Variants in EBF4 observed in about 807,000 individuals in gnomAD.
EBF4 encodes the protein EBF transcription factor 4.
Under a neutral mutation model 67.1 loss-of-function variants are expected in EBF4, and 34 were observed. The ratio of observed to expected loss-of-function variants is 0.51; its 90% CI spans 0.39 to 0.67. The LOEUF is 0.67. EBF4 is among the 30% of genes least tolerant of loss of function. The pLI is 0.00. For missense variants in EBF4, 837 were observed against 873.3 expected (o/e 0.96, Z 0.52); for synonymous variants, 387 against 377.7 (o/e 1.02, Z -0.29).
chr20:2,698,238 G>T (rs2146364436), intron 1 of EBF4, among the ~76,000 whole-genome samples: 1 of 152,338 alleles, frequency 6.6e-6, no homozygotes, highest in East Asian at 1.9e-4. Flanking sequence ...GCTGGGGGCA[G>T]TGGGAAGAGG....
intron 6 of EBF4, among the ~76,000 whole-genome samples, chr20:2,722,662 T>C (rs2087697506): frequency 6.6e-6 from 1 of 152,242 alleles, no homozygotes; most frequent in Admixed American, 6.5e-5. Flanking sequence ...AGCATTATGC[T>C]GGGATATTTG....
intron 5 of EBF4, among the ~76,000 whole-genome samples, chr20:2,708,351 C>T (rs1407529518): frequency 6.6e-6 from 1 of 152,184 alleles, no homozygotes; most frequent in Admixed American, 6.5e-5. Context: ...CTGGGAAGGC[C>T]TCTGGGATTA....
In EBF4 at chr20:2,752,063, GTGCCCCGC is replaced by G. The variant is rs1175205786; in HGVS notation, c.1174-21_1174-14del. The G allele has an allele frequency of 6.9e-7, 1 of 1,455,158 alleles. No homozygotes were observed. The highest frequency in any genetic ancestry group is 2.9e-5 in the Admixed American group (1 of 34,080). The allele number at this position is 1,455,158 out of a possible 1,614,324, so 90.1% of individuals were successfully genotyped here. On this transcript the variant is annotated splice_polypyrimidine_tract_variant and intron_variant, in intron 12 of 16. Transcript: ENST00000609451. ...CGCGGCGCCCGCGGCTGCCCCGGCC[GTGCCCCGC>G]TCTTGTCTTCGCAGGAGCTGCTCCT...
Position 2,755,422 on chromosome 20 carries a change from C to T in EBF4, c.1541-205C>T. On this transcript the variant is annotated intron_variant, in intron 14 of 16. Transcript: ENST00000609451. This position sits in a 1 kb window ranked among gnomAD's most constrained non-coding sequence, Gnocchi z 4.7. ...TTTACCTGGTCTGGCCCTGTCATCC[C>T]CAGCCCCGAGAAAAGGTCTCCAGAA... is the stretch of plus-strand genomic sequence containing the variant. The T allele has an allele frequency of 1.7e-6, 1 of 575,612 alleles. No individual in the cohort carries two copies. The allele number at this position is 575,612 out of a possible 1,614,324, so 35.7% of individuals were successfully genotyped here. A position where few individuals can be genotyped will look rare whatever the true frequency, so the allele number is the denominator to read the frequency against.
At chr20:2,743,154 C>T (rs1229988694) in intron 6 of EBF4, among the ~76,000 whole-genome samples, 1 of 152,208 alleles carries the variant, frequency 6.6e-6, no homozygotes, top group Non-Finnish European at 1.5e-5. Flanking sequence ...CTCATCCTTC[C>T]CTGACTGCTC....
chr20:2,726,097 G>A (rs527991097), intron 6 of EBF4, among the ~76,000 whole-genome samples: 39 of 152,036 alleles, frequency 2.6e-4, no homozygotes, highest in Non-Finnish European at 4.7e-4. Context: ...GCTTCCAGTT[G>A]CCCCAAGAGC....
chr20:2,700,054 C>T (rs1256180729), intron 1 of EBF4, among the ~76,000 whole-genome samples: 1 of 152,216 alleles, frequency 6.6e-6, no homozygotes, highest in Non-Finnish European at 1.5e-5. Context: ...GCCGTAGAAG[C>T]CCTCCACCAG....
At chr20:2,695,721 G>C (rs73076342) in intron 1 of EBF4, among the ~76,000 whole-genome samples, 2 of 152,070 alleles carry the variant, frequency 1.3e-5, no homozygotes, top group African/African-American at 4.8e-5. Flanking sequence ...TCCTCTGCAC[G>C]GGTCTTCTCA....
chr20:2,732,015 T>C (rs546254748), intron 6 of EBF4, among the ~76,000 whole-genome samples: 1 of 152,378 alleles, frequency 6.6e-6, no homozygotes, highest in South Asian at 2.1e-4. Context: ...TAGTAGGGTA[T>C]TGAAGTTGCC....
At chr20:2,694,709 C>T (rs945564740) in intron 1 of EBF4, among the ~76,000 whole-genome samples, 1 of 152,150 alleles carries the variant, frequency 6.6e-6, no homozygotes, top group African/African-American at 2.4e-5. Context: ...CGAAGGGATT[C>T]TGAATGGGGG....
intron 6 of EBF4, among the ~76,000 whole-genome samples, chr20:2,723,792 C>A (rs1177125637): frequency 6.7e-6 from 1 of 149,280 alleles, no homozygotes; most frequent in African/African-American, 2.6e-5. Context: ...AATTTTATAT[C>A]TTTAATATGT....
At chr20:2,752,119 G>C in exon 13 of EBF4, 7 of 1,468,228 alleles carry the variant, frequency 4.8e-6, no homozygotes, top group Non-Finnish European at 6.3e-6. Context: ...GGACGTGGCC[G>C]AGGCTCTGTA....
At chr20:2,718,398 A>C (rs1458151699) in intron 6 of EBF4, among the ~76,000 whole-genome samples, 1 of 152,172 alleles carries the variant, frequency 6.6e-6, no homozygotes. Context: ...GGTGGAATTC[A>C]CCATAAAGCC....
At chr20:2,709,139 A>T (rs1277719125) in intron 5 of EBF4, among the ~76,000 whole-genome samples, 1 of 152,206 alleles carries the variant, frequency 6.6e-6, no homozygotes, top group Non-Finnish European at 1.5e-5. Flanking sequence ...GTGAGCCAAC[A>T]TCACGTCACT....
At chr20:2,737,061 A>C (rs543718107) in intron 6 of EBF4, among the ~76,000 whole-genome samples, 2 of 152,034 alleles carry the variant, frequency 1.3e-5, no homozygotes, top group African/African-American at 2.4e-5. Context: ...CATCCTGGCT[A>C]ACACGGTGAA....
chr20:2,700,366 C>T (rs926785299), intron 1 of EBF4, among the ~76,000 whole-genome samples: 1 of 152,162 alleles, frequency 6.6e-6, no homozygotes, highest in Non-Finnish European at 1.5e-5. Context: ...GCTTCAGAGG[C>T]TCTATTCCCC....
chr20:2,697,552 AAAAG>A (rs4053448), intron 1 of EBF4, among the ~76,000 whole-genome samples: 1 of 147,082 alleles, frequency 6.8e-6, no homozygotes, highest in Non-Finnish European at 1.5e-5. Flanking sequence ...CTCAAAAAAA[AAAAG>A]AAAGAAAGAA....
rs1600232801 is a variant in EBF4, at chr20:2,739,914, G to C, written c.558-8635G>C. Among the ~76,000 whole-genome samples the C allele has an allele frequency of 6.6e-6, 1 of 152,300 alleles. No individual in the cohort carries two copies. The highest frequency in any genetic ancestry group is 1.9e-4 in the East Asian group (1 of 5,182). ...CCTTCACAGGACACACTGTTGTTTG[G>C]AACATCCTGCCCCAGCTCGTATATC... On this transcript the variant is annotated intron_variant, in intron 6 of 16. Transcript: ENST00000609451. This position sits in a 1 kb window ranked among gnomAD's most constrained non-coding sequence, Gnocchi z 4.5.
chr20:2,705,505 C>A (rs1443180392), intron 1 of EBF4, 72 bp from the exon 2 acceptor site: 2 of 1,547,442 alleles, frequency 1.3e-6, no homozygotes, highest in African/African-American at 1.4e-5. Context: ...GCATGCCTGC[C>A]TGGCCCGAGG....
Sources: allele counts gnomAD v4.1 joint callset (sites outside exome capture counted in the v4.1 genomes callset), GRCh38; gene constraint gnomAD v4.1.1; non-coding constraint Gnocchi (gnomAD v3.1); transcripts MANE v1.5; gene names NCBI Gene and HGNC (gene_info 2026-07-23, HGNC 2026-07-21).